SPNS3: variants seen among roughly 807,000 people sequenced by gnomAD.
SPNS3 encodes the protein protein spinster homolog 3.
SPNS3 carries 51 observed loss-of-function variants against 54.4 expected under a neutral mutation model. The observed-to-expected ratio is 0.94, with a 90% CI of 0.75 to 1.18. SPNS3 has a LOEUF of 1.18. Among genes scored for constraint, SPNS3 ranks in the 50% most tolerant of loss-of-function variants. The pLI is 0.00. For missense variants in SPNS3, 669 were observed against 677.4 expected (o/e 0.99, Z 0.14); for synonymous variants, 309 against 294.7 (o/e 1.05, Z -0.50).
At chr17:4,445,257 C>T in intron 3 of SPNS3, 89 bp downstream of exon 3, 1 of 1,344,044 alleles carries the variant, frequency 7.4e-7, no homozygotes, top group Non-Finnish European at 1.0e-6. Context: ...TGCGTGGGGA[C>T]AATTCTGCTC....
At chr17:4,435,943 A>G (rs1970707924) in intron 1 of SPNS3, among the ~76,000 whole-genome samples, 1 of 152,196 alleles carries the variant, frequency 6.6e-6, no homozygotes, top group Non-Finnish European at 1.5e-5. Context: ...AACAAAGACA[A>G]CAACAATAAC....
Position 4,449,161 on chromosome 17 carries a change from G to A in SPNS3, c.771-74G>A. On this transcript the variant is annotated intron_variant, in intron 6 of 11. Transcript: ENST00000355530. ...ATGGGAAAGTTCCTAGACTGCCCAG[G>A]AGTGGGGAGGAGTGGACAGGCCCCT... 20 of 1,524,874 alleles carry A rather than the reference G, an allele frequency of 1.3e-5. No homozygotes were observed. In the South Asian group the frequency reaches 2.4e-4, roughly 18 times the overall value. 94.5% of individuals were successfully genotyped at this position (1,524,874 alleles called of 1,614,324 possible).
Position 4,449,398 on chromosome 17 carries a change from C to G in SPNS3, c.923+11C>G. The stretch of plus-strand genomic sequence containing the variant: ...CAGCAACCCCGACAGGTGAGGGCAT[C>G]CGGGGGCCCTGGGCACCTGGCCCGG... On this transcript the variant is annotated intron_variant, in intron 7 of 11. Coordinates refer to ENST00000355530, the MANE Select transcript of SPNS3 (RefSeq NM_182538.5). The G allele has an allele frequency of 6.4e-7, 1 of 1,571,366 alleles. No individual in the cohort carries two copies. The highest frequency in any genetic ancestry group is 2.3e-5 in the East Asian group (1 of 44,124).
chr17:4,482,959 T>C (rs1375055152), intron 9 of SPNS3, among the ~76,000 whole-genome samples: 1 of 152,324 alleles, frequency 6.6e-6, no homozygotes, highest in Non-Finnish European at 1.5e-5. Flanking sequence ...TTCTCAGCCC[T>C]GTCCTCTGGG....
At chr17:4,479,468 G>A (rs187003239) in intron 9 of SPNS3, among the ~76,000 whole-genome samples, 1 of 152,352 alleles carries the variant, frequency 6.6e-6, no homozygotes, top group East Asian at 1.9e-4. Flanking sequence ...AGTCCCACAC[G>A]GCCCCTCCCT....
At position 4,448,142 on chromosome 17, in the gene SPNS3, C is replaced by T. The variant is rs1971048451; in HGVS notation, c.622-13C>T. 1 of 1,572,380 alleles carries T rather than the reference C, an allele frequency of 6.4e-7. No individual in the cohort carries two copies. The highest frequency in any genetic ancestry group is 1.2e-5 in the South Asian group (1 of 84,806). On this transcript the variant is annotated splice_polypyrimidine_tract_variant and intron_variant, in intron 5 of 11. Coordinates refer to ENST00000355530, the MANE Select transcript of SPNS3 (RefSeq NM_182538.5). ...TATGCGGCCCTGAGCTTCCTGGGCC[C>T]TCCTGTCCCCAGGTCATGCCCTGCC...
intron 7 of SPNS3, among the ~76,000 whole-genome samples, chr17:4,451,827 C>T (rs2144058892): frequency 6.6e-6 from 1 of 150,606 alleles, no homozygotes; most frequent in South Asian, 2.1e-4. Flanking sequence ...CACCACTGTT[C>T]CCAGCTAATT....
intron 1 of SPNS3, among the ~76,000 whole-genome samples, chr17:4,437,288 C>T (rs1399428757): frequency 6.6e-6 from 1 of 152,132 alleles, no homozygotes; most frequent in East Asian, 1.9e-4. Context: ...GATGAGTCCT[C>T]ATTCCTGAAA....
At chr17:4,475,857 C>T (rs190714817) in intron 8 of SPNS3, among the ~76,000 whole-genome samples, 4 of 152,280 alleles carry the variant, frequency 2.6e-5, no homozygotes, top group Admixed American at 1.3e-4. Context: ...TTGAACTGCT[C>T]ATGGAAGCCA....
intron 2 of SPNS3, among the ~76,000 whole-genome samples, chr17:4,440,404 C>T (rs56747653): frequency 0.048 from 7,267 of 152,276 alleles, 572 homozygotes; most frequent in African/African-American, 0.17. Flanking sequence ...ACCGAGGGTC[C>T]TCACAGTCCA....
rs907983671 is a variant in SPNS3 at position 4,446,797 on chromosome 17, C to T, written c.555-99C>T. 61 of 1,132,754 alleles carry T rather than the reference C, an allele frequency of 5.4e-5. No homozygotes were observed. In the African/African-American group the frequency reaches 6.7e-4, roughly 12 times the overall value. 70.2% of individuals were successfully genotyped at this position (1,132,754 alleles called of 1,614,324 possible). A position where few individuals can be genotyped will look rare whatever the true frequency, so the allele number is the denominator to read the frequency against. ...GTCTGAGCCTGCAGAGAGCCAGCTCCCTGGGGCGTGGGGGGGGCACCCTGG... is the reference window on the plus strand; with the variant it reads ...GTCTGAGCCTGCAGAGAGCCAGCTCTCTGGGGCGTGGGGGGGGCACCCTGG... On this transcript the variant is annotated intron_variant, in intron 4 of 11. Coordinates refer to ENST00000355530, the MANE Select transcript of SPNS3 (RefSeq NM_182538.5).
chr17:4,448,982 T>A (rs1159979597), intron 6 of SPNS3, among the ~76,000 whole-genome samples: 1 of 151,886 alleles, frequency 6.6e-6, no homozygotes, highest in East Asian at 1.9e-4. Flanking sequence ...TCAGAAATGT[T>A]GGGGAGGCTG....
intron 8 of SPNS3, among the ~76,000 whole-genome samples, chr17:4,458,626 T>TTTC (rs1306758768): frequency 1.5e-5 from 2 of 132,278 alleles, no homozygotes; most frequent in Non-Finnish European, 3.3e-5. Context: ...TCTTTCTTTC[T>TTTC]TTCTTTCTTT....
At chr17:4,487,736 C>T in intron 11 of SPNS3, 70 bp from the exon 12 acceptor site, 3 of 1,433,878 alleles carry the variant, frequency 2.1e-6, no homozygotes, top group Non-Finnish European at 2.9e-6. Context: ...CAGCCCGTGC[C>T]CAGGCCCAGG....
intron 8 of SPNS3, among the ~76,000 whole-genome samples, chr17:4,464,596 A>G (rs934267785): frequency 3.3e-5 from 5 of 152,030 alleles, no homozygotes; most frequent in Admixed American, 6.6e-5. Context: ...CTGAGCCTCA[A>G]TTTTCTTAGC....
rs534675538 is a variant in SPNS3 at position 4,445,095 on chromosome 17, G to A, written c.329G>A (p.Arg110His). Residue 110 changes from arginine to histidine, a missense_variant, in exon 3 of 12, where the codon CGC becomes CAC. By Grantham distance (29) the Arg-to-His change is conservative. Coordinates refer to ENST00000355530, the MANE Select transcript of SPNS3 (RefSeq NM_182538.5). ...GGCTACCTGGGCGACCGACATAGCC[G>A]CAAGGCTACCATGAGCTTCGGTATC... is the stretch of plus-strand genomic sequence containing the variant. ...VFGYLGDRHS[R>H]KATMSFGILL... is the part of the protein sequence containing the mutation. 3.0e-5 allele frequency: 49 copies of A among 1,614,120 alleles called. No individual in the cohort carries two copies. The South Asian group carries it at 3.5e-4, about 12-fold the overall frequency.
At chr17:4,434,807 C>CT (rs774169793) in intron 1 of SPNS3, among the ~76,000 whole-genome samples, 6,800 of 135,558 alleles carry the variant, frequency 0.05, 201 homozygotes, top group East Asian at 0.12. Flanking sequence ...CGTGCCCGGC[C>CT]TTTTTTTTTT....
At chr17:4,447,244 C>T (rs542770832) in intron 5 of SPNS3, among the ~76,000 whole-genome samples, 11 of 152,192 alleles carry the variant, frequency 7.2e-5, no homozygotes, top group South Asian at 2.1e-4. Context: ...GTCGGTAAAG[C>T]GGGGGTACTA....
intron 9 of SPNS3, among the ~76,000 whole-genome samples, chr17:4,479,711 C>T (rs934530562): frequency 3.9e-5 from 6 of 152,228 alleles, no homozygotes; most frequent in Non-Finnish European, 7.3e-5. Context: ...CATTCAATGC[C>T]GCGGCACCAG....
Sources: allele counts gnomAD v4.1 joint callset (sites outside exome capture counted in the v4.1 genomes callset), GRCh38; gene constraint gnomAD v4.1.1; transcripts MANE v1.5; gene names NCBI Gene and HGNC (gene_info 2026-07-23, HGNC 2026-07-21).